MAN1A1: variants seen among roughly 807,000 people sequenced by gnomAD.
MAN1A1 encodes mannosidase alpha class 1A member 1.
A neutral mutation model predicts 70.8 loss-of-function variants in MAN1A1; 29 were observed. The ratio of observed to expected loss-of-function variants is 0.41; its 90% confidence interval spans 0.31 to 0.56. The LOEUF (loss-of-function observed/expected upper bound fraction) is 0.56. MAN1A1 is among the 20% of genes least tolerant of loss of function. The pLI is 0.29. For synonymous variants in MAN1A1, 349 were observed against 330.1 expected, an observed-to-expected ratio of 1.06 and a Z score of -0.62; for missense variants, 747 against 841.3, an observed-to-expected ratio of 0.89 and a Z score of 1.39.
At chr6:119,278,833 T>C (rs1373170006) in intron 5 of MAN1A1, among the ~76,000 whole-genome samples, 5 of 152,098 alleles carry the variant, frequency 3.3e-5, no homozygotes, top group Non-Finnish European at 7.4e-5. Flanking sequence ...CTTGGTCCCT[T>C]CTCTGACCAT....
At chr6:119,213,625 ATCT>A (rs1774112176) in intron 6 of MAN1A1, among the ~76,000 whole-genome samples, 1 of 152,156 alleles carries the variant, frequency 6.6e-6, no homozygotes, top group Non-Finnish European at 1.5e-5. Flanking sequence ...GCCTTGCGAC[ATCT>A]TCTGTGTTTC....
chr6:119,192,915 C>T (rs577617294), intron 9 of MAN1A1, among the ~76,000 whole-genome samples: 2 of 152,190 alleles, frequency 1.3e-5, no homozygotes, highest in East Asian at 3.9e-4. Flanking sequence ...TCTTAGTTTA[C>T]TTTTATACTA....
chr6:119,300,943 T>TG (rs1562232883), intron 4 of MAN1A1, among the ~76,000 whole-genome samples: 1 of 152,166 alleles, frequency 6.6e-6, no homozygotes, highest in South Asian at 2.1e-4. Flanking sequence ...TTGAAATAGA[T>TG]GGGGGAAAGA....
intron 5 of MAN1A1, among the ~76,000 whole-genome samples, chr6:119,259,586 T>G (rs747154510): frequency 6.6e-6 from 1 of 152,238 alleles, no homozygotes; most frequent in African/African-American, 2.4e-5. Context: ...TATCATATAT[T>G]ATACACTGAT....
chr6:119,252,394 C>T (rs1277117453), intron 5 of MAN1A1, among the ~76,000 whole-genome samples: 3 of 152,158 alleles, frequency 2.0e-5, no homozygotes, highest in Non-Finnish European at 4.4e-5. Flanking sequence ...GAGTGATTTT[C>T]TTATTTGAGT....
rs939659291 is a variant in MAN1A1 at position 119,256,415 on chromosome 6, T to TTA, written c.898-8062_898-8061insTA. ...GAATGAATAAAATTGTATCTCATTA[T>TTA]TTTTTTTTTTTTCATGAGAGAGGAC... is the stretch of plus-strand genomic sequence containing the variant. On this transcript the variant is annotated intron_variant, in intron 5 of 12. Coordinates refer to ENST00000368468, the MANE Select transcript of MAN1A1 (RefSeq NM_005907.4). Among the ~76,000 whole-genome samples the TTA allele has an allele frequency of 6.5e-4, 30 of 45,942 alleles. No homozygotes were observed. In the South Asian group the frequency reaches 0.013, roughly 20 times the overall value. 30.1% of individuals were successfully genotyped at this position (45,942 alleles called of 152,430 possible). A position where few individuals can be genotyped will look rare whatever the true frequency, so the allele number is the denominator to read the frequency against.
intron 2 of MAN1A1, among the ~76,000 whole-genome samples, chr6:119,346,131 T>C (rs563217337): frequency 1.3e-4 from 20 of 151,862 alleles, no homozygotes; most frequent in African/African-American, 4.1e-4. Flanking sequence ...GAAAACACAA[T>C]GGTAAAGAAA....
At chr6:119,202,533 T>A (rs1773742008) in intron 7 of MAN1A1, among the ~76,000 whole-genome samples, 1 of 152,206 alleles carries the variant, frequency 6.6e-6, no homozygotes, top group African/African-American at 2.4e-5. Context: ...AAATCAGTAA[T>A]GCAGTCATTT....
At chr6:119,299,589 CTAAAA>C (rs1368629084) in intron 4 of MAN1A1, among the ~76,000 whole-genome samples, 1 of 140,976 alleles carries the variant, frequency 7.1e-6, no homozygotes, top group East Asian at 1.9e-4. Flanking sequence ...TTATTAAAAA[CTAAAA>C]TAAAAATTTA....
intron 2 of MAN1A1, among the ~76,000 whole-genome samples, chr6:119,319,511 AT>A (rs1354537671): frequency 5.3e-5 from 8 of 152,046 alleles, no homozygotes; most frequent in Non-Finnish European, 8.8e-5. Flanking sequence ...TTTGAATGCA[AT>A]GACTTCCAAT....
chr6:119,225,733 G>A (rs1484755407), intron 6 of MAN1A1, among the ~76,000 whole-genome samples: 12 of 152,258 alleles, frequency 7.9e-5, no homozygotes, highest in African/African-American at 2.6e-4. Flanking sequence ...CGCAAGAATG[G>A]CATCTTCAAA....
chr6:119,347,806 T>G (rs1220114266), intron 2 of MAN1A1, among the ~76,000 whole-genome samples: 1 of 152,286 alleles, frequency 6.6e-6, no homozygotes, highest in Non-Finnish European at 1.5e-5. Context: ...GGATTAACTT[T>G]GTCACCATTG....
intron 2 of MAN1A1, among the ~76,000 whole-genome samples, chr6:119,316,674 T>G (rs1423995884): frequency 6.6e-6 from 1 of 152,178 alleles, no homozygotes; most frequent in African/African-American, 2.4e-5. Flanking sequence ...ACATTTTAAT[T>G]TTTGCAGCAG....
chr6:119,314,079 G>T (rs1772785880), intron 2 of MAN1A1, among the ~76,000 whole-genome samples: 4 of 152,144 alleles, frequency 2.6e-5, no homozygotes, highest in Admixed American at 2.6e-4. Context: ...CTGTTTTTAG[G>T]TCTGTGGGCA....
At chr6:119,320,840 A>C (rs1372349802) in intron 2 of MAN1A1, among the ~76,000 whole-genome samples, 1 of 152,214 alleles carries the variant, frequency 6.6e-6, no homozygotes, top group Non-Finnish European at 1.5e-5. Context: ...CTTCTATAAT[A>C]CAATTTATCT....
Position 119,349,704 on chromosome 6 carries a change from G to A in MAN1A1, c.-385C>T. 3.4e-5 allele frequency: 34 copies of A among 985,812 alleles called. No individual in the cohort carries two copies. Among genetic ancestry groups the A allele is most frequent in the Non-Finnish European group, 4.1e-5 (34 of 830,056 alleles). 61.1% of individuals were successfully genotyped at this position (985,812 alleles called of 1,614,324 possible). ...CAGGTGGGCGAGCGCGCCGACCTGC[G>A]GGCGAATGGCAGCGAGTAGAGCAGC... On this transcript the variant is annotated 5_prime_UTR_variant, in exon 1 of 13. Coordinates refer to ENST00000368468, the MANE Select transcript of MAN1A1 (RefSeq NM_005907.4).
chr6:119,213,118 A>C (rs1459552807), intron 6 of MAN1A1, among the ~76,000 whole-genome samples: 1 of 152,240 alleles, frequency 6.6e-6, no homozygotes, highest in Non-Finnish European at 1.5e-5. Flanking sequence ...AAATGCATCT[A>C]CCCAACCAAA....
chr6:119,249,353 G>A (rs988067184), intron 5 of MAN1A1, among the ~76,000 whole-genome samples: 1 of 152,210 alleles, frequency 6.6e-6, no homozygotes, highest in Non-Finnish European at 1.5e-5. Context: ...GTGCAGAACT[G>A]TGTTTTAGGA....
intron 4 of MAN1A1, among the ~76,000 whole-genome samples, chr6:119,295,665 T>C (rs1308424896): frequency 6.6e-6 from 1 of 152,170 alleles, no homozygotes; most frequent in Non-Finnish European, 1.5e-5. Context: ...AAAAGTGTAA[T>C]AGTTTTTGTT....
Sources: gnomAD v4.1 joint callset for allele counts (sites outside exome capture counted in the v4.1 genomes callset) on GRCh38, gnomAD v4.1.1 for gene constraint, MANE v1.5 for transcripts, NCBI Gene and HGNC (gene_info 2026-07-23, HGNC 2026-07-21) for gene names.